Variants in STX2 observed in about 807,000 individuals in gnomAD.
STX2 encodes syntaxin-2.
In STX2, 27 loss-of-function variants were observed where a neutral mutation model predicts 40.6. That is an observed-to-expected ratio of 0.66 (90% confidence interval 0.49 to 0.92). STX2 has a LOEUF of 0.92. Ranked by LOEUF, STX2 falls within the 40% of genes least tolerant of loss-of-function variation. STX2 has a pLI of 0.00. For missense variants in STX2, 328 were observed against 366.1 expected (o/e 0.90, Z 0.85); for synonymous variants, 123 against 119.1 (o/e 1.03, Z -0.22).
At chr12:130,794,537 C>T (rs927666828) in intron 10 of STX2, among the ~76,000 whole-genome samples, 7 of 152,170 alleles carry the variant, frequency 4.6e-5, no homozygotes, top group African/African-American at 1.7e-4. Context: ...GCTCTGTCAC[C>T]CAGGCTGGAG....
In STX2 at chr12:130,821,774, T is replaced by G; in HGVS notation, c.120A>C (p.Arg40Ser). Reference sequence around the variant, plus strand: ...ATTGAGTTATTTTATCAATACTGTTTCTAATCTCCTCCACCTAGGAGAGAG... The same window carrying G: ...ATTGAGTTATTTTATCAATACTGTTGCTAATCTCCTCCACCTAGGAGAGAG... Reference protein sequence around the residue: ...DDFFHQVEEIRNSIDKITQYV... With the variant: ...DDFFHQVEEISNSIDKITQYV... The change falls in exon 3 of 11, where the codon AGA (arginine) becomes AGC (serine). Residue 40 changes from arginine to serine, a missense_variant. Physicochemically the swap from Arg to Ser is moderately radical, Grantham distance 110 (BLOSUM62 -1). Transcript: ENST00000392373. 6.2e-7 allele frequency: 1 copy of G among 1,607,352 alleles called. No homozygotes were observed. The highest frequency in any genetic ancestry group is 2.2e-5 in the East Asian group (1 of 44,830).
intron 2 of STX2, among the ~76,000 whole-genome samples, chr12:130,824,603 G>C (rs1007538579): frequency 6.6e-6 from 1 of 152,054 alleles, no homozygotes; most frequent in Admixed American, 6.6e-5. Flanking sequence ...TTTTATGTCC[G>C]GGAATAACAT....
At chr12:130,816,731 G>T (rs540568496) in intron 3 of STX2, among the ~76,000 whole-genome samples, 1 of 152,100 alleles carries the variant, frequency 6.6e-6, no homozygotes, top group Non-Finnish European at 1.5e-5. Context: ...AACAAGGCAG[G>T]AAAGAAGACT....
At position 130,835,419 on chromosome 12, in the gene STX2, A is replaced by G. The variant is rs1952724801; in HGVS notation, c.30+3651T>C. On this transcript the variant is annotated intron_variant, in intron 1 of 10. Transcript: ENST00000392373. ...ATTTATTGTTTATTATCATGCAAACAATTCCCACAGATGAAATGTGTGGTT... is the reference window on the plus strand; with the variant it reads ...ATTTATTGTTTATTATCATGCAAACGATTCCCACAGATGAAATGTGTGGTT... 2.6e-5 allele frequency among the ~76,000 whole-genome samples: 4 copies of G among 152,336 alleles called. No individual in the cohort carries two copies. The South Asian group carries it at 8.3e-4, about 32-fold the overall frequency.
At chr12:130,824,068 G>A (rs568065375) in intron 2 of STX2, among the ~76,000 whole-genome samples, 23 of 152,234 alleles carry the variant, frequency 1.5e-4, no homozygotes, top group East Asian at 3.9e-4. Context: ...CCCAAGCCCC[G>A]GACCAGATTT....
chr12:130,837,892 G>A (rs1054070714), intron 1 of STX2, among the ~76,000 whole-genome samples: 1 of 152,188 alleles, frequency 6.6e-6, no homozygotes, highest in African/African-American at 2.4e-5. Context: ...AAACTTCCTT[G>A]GAATGAATAT....
intron 8 of STX2, among the ~76,000 whole-genome samples, chr12:130,800,951 G>C (rs1951201764): frequency 6.6e-6 from 1 of 152,216 alleles, no homozygotes; most frequent in Non-Finnish European, 1.5e-5. Context: ...TTAATCAACT[G>C]AACCAGTCCC....
At chr12:130,829,532 A>T (rs200669784) in intron 1 of STX2, among the ~76,000 whole-genome samples, 1 of 151,380 alleles carries the variant, frequency 6.6e-6, no homozygotes, top group Admixed American at 6.6e-5. Context: ...CATGCAGGCC[A>T]GGTGGCCAGG....
chr12:130,809,486 T>C (rs2136277463), intron 4 of STX2, among the ~76,000 whole-genome samples: 1 of 152,048 alleles, frequency 6.6e-6, no homozygotes, highest in South Asian at 2.1e-4. Flanking sequence ...AAAGAAAAAA[T>C]AAAGCAAACC....
At chr12:130,803,182 T>G (rs1486930376) in intron 6 of STX2, among the ~76,000 whole-genome samples, 3 of 152,186 alleles carry the variant, frequency 2.0e-5, no homozygotes, top group Admixed American at 6.5e-5. Flanking sequence ...CACTATTTTT[T>G]GGGAGGTAAT....
At chr12:130,825,082 G>A (rs1215875008) in intron 2 of STX2, among the ~76,000 whole-genome samples, 1 of 145,352 alleles carries the variant, frequency 6.9e-6, no homozygotes, top group Non-Finnish European at 1.5e-5. Flanking sequence ...GTTGCCCCAA[G>A]CCGGGGTGCA....
intron 9 of STX2, among the ~76,000 whole-genome samples, chr12:130,797,781 C>G (rs941454437): frequency 6.6e-6 from 1 of 152,236 alleles, no homozygotes; most frequent in African/African-American, 2.4e-5. Context: ...CTTTTTAATG[C>G]AAAGTCTGTG....
At position 130,821,707 on chromosome 12, in the gene STX2, C is replaced by A. The variant is rs1210240440; in HGVS notation, c.187G>T (p.Ala63Ser). ...AACTTACTTCCTTCCGGGTTTGGTG[C>A]AGAAAGAATGATGCTGTGGTTTTTC... is the stretch of plus-strand genomic sequence containing the variant. ...VKKNHSIILS[A>S]PNPEGKIKEE... The change falls in exon 3 of 11, where the codon GCA (alanine) becomes TCA (serine). Residue 63 changes from alanine to serine, a missense_variant. By Grantham distance (99) the Ala-to-Ser change is moderately conservative (BLOSUM62 1). Transcript: ENST00000392373. The A allele has an allele frequency of 3.7e-6, 6 of 1,613,584 alleles. No individual in the cohort carries two copies. Among genetic ancestry groups the A allele is most frequent in the Non-Finnish European group, 5.1e-6 (6 of 1,179,650 alleles).
In STX2 at chr12:130,821,805, G is replaced by C. The variant is rs771905477; in HGVS notation, c.106-17C>G. The C allele has an allele frequency of 1.9e-6, 3 of 1,542,310 alleles. No homozygotes were observed. In the Admixed American group the frequency reaches 5.1e-5, roughly 26 times the overall value. ...CTCCTCCACCTAGGAGAGAGAGAGA[G>C]TCATTACAGCATGGCAAACTCAAAT... On this transcript the variant is annotated splice_polypyrimidine_tract_variant and intron_variant, in intron 2 of 10. Transcript: ENST00000392373.
intron 9 of STX2, among the ~76,000 whole-genome samples, chr12:130,797,541 G>A (rs1333196103): frequency 6.6e-6 from 1 of 152,180 alleles, no homozygotes. Flanking sequence ...CAGCCCGGGG[G>A]TGCGTCTCAG....
intron 3 of STX2, among the ~76,000 whole-genome samples, chr12:130,814,385 G>A (rs1361487740): frequency 6.6e-6 from 1 of 152,116 alleles, no homozygotes; most frequent in Non-Finnish European, 1.5e-5. Flanking sequence ...CTGTCCCACA[G>A]GAGGGGACAT....
At chr12:130,817,376 C>A (rs1054667304) in intron 3 of STX2, among the ~76,000 whole-genome samples, 3 of 151,506 alleles carry the variant, frequency 2.0e-5, no homozygotes, top group Non-Finnish European at 2.9e-5. Context: ...AGAAATCAAA[C>A]GATAAGTCAG....
At chr12:130,811,974 T>C (rs1951677294) in intron 4 of STX2, among the ~76,000 whole-genome samples, 1 of 152,112 alleles carries the variant, frequency 6.6e-6, no homozygotes, top group African/African-American at 2.4e-5. Flanking sequence ...CTACAGCAAA[T>C]TCAGAGGACG....
intron 1 of STX2, among the ~76,000 whole-genome samples, chr12:130,828,574 A>G (rs888699671): frequency 3.3e-5 from 5 of 151,794 alleles, no homozygotes; most frequent in Admixed American, 6.6e-5. Flanking sequence ...GCAGCACTTC[A>G]AGACAAAATG....
Sources: allele counts gnomAD v4.1 joint callset (sites outside exome capture counted in the v4.1 genomes callset), GRCh38; gene constraint gnomAD v4.1.1; transcripts MANE v1.5; gene names NCBI Gene and HGNC (gene_info 2026-07-23, HGNC 2026-07-21).